The following CCDC125 variants were observed in gnomAD, a reference collection of about 807,000 sequenced individuals.
CCDC125 encodes coiled-coil domain containing 125, also known as coiled-coil domain-containing protein 125.
CCDC125 carries 43 observed loss-of-function variants against 57.4 expected under a neutral mutation model. The observed-to-expected ratio is 0.75, with a 90% CI of 0.59 to 0.97. CCDC125 has a LOEUF of 0.97. CCDC125 is among the 50% of genes least tolerant of loss of function. The probability of loss-of-function intolerance (pLI) is 0.00; values close to 1 mark genes in which losing one functional copy is unlikely to be tolerated. For missense variants in CCDC125, 563 were observed against 595.7 expected (o/e 0.95, Z 0.57); for synonymous variants, 187 against 195.2 (o/e 0.96, Z 0.35).
At chr5:69,308,792 A>G (rs1259329208) in intron 4 of CCDC125, 25 of 158,568 alleles carry the variant, frequency 1.6e-4, no homozygotes, top group Middle Eastern at 2.9e-3. Flanking sequence ...TGTGGGAAAG[A>G]TTGGAACTTT....
intron 2 of CCDC125, among the ~76,000 whole-genome samples, chr5:69,318,643 C>T (rs1160323948): frequency 3.3e-5 from 5 of 151,282 alleles, no homozygotes; most frequent in Admixed American, 1.3e-4. Flanking sequence ...ATCCCAGCTA[C>T]TCAGGAGGCT....
intron 6 of CCDC125, among the ~76,000 whole-genome samples, chr5:69,304,575 G>T (rs1055811393): frequency 6.6e-6 from 1 of 151,620 alleles, no homozygotes; most frequent in Admixed American, 6.6e-5. Flanking sequence ...ACAGGCGCCC[G>T]CCACCACGCC....
chr5:69,278,734 T>G (rs1752323483), downstream of CCDC125, among the ~76,000 whole-genome samples: 1 of 146,072 alleles, frequency 6.8e-6, no homozygotes, highest in Non-Finnish European at 1.5e-5. Context: ...TGAGATAGTC[T>G]CTGTTGCCCA....
Position 69,306,887 on chromosome 5 carries a change from G to C in CCDC125, c.547C>G (p.Gln183Glu). ...RSLEKEINAL[Q>E]WEIEFDHNRF... ...TTATGATCAAATTCTATTTCCCACT[G>C]CAAGGCATTTATTTCCTATGGAAAG... Residue 183 changes from glutamine to glutamate, a missense_variant, in exon 6 of 12, where the codon CAG becomes GAG. Physicochemically the swap from Gln to Glu is conservative, Grantham distance 29. Transcript: ENST00000396496. The C allele has an allele frequency of 1.3e-6, 2 of 1,507,912 alleles. No homozygotes were observed. Among genetic ancestry groups the C allele is most frequent in the Non-Finnish European group, 1.8e-6 (2 of 1,133,230 alleles). The allele number at this position is 1,507,912 out of a possible 1,614,324, so 93.4% of individuals were successfully genotyped here. A position where few individuals can be genotyped will look rare whatever the true frequency, so the allele number is the denominator to read the frequency against.
At chr5:69,294,326 A>C (rs73129068) in intron 9 of CCDC125, among the ~76,000 whole-genome samples, 7,817 of 149,792 alleles carry the variant, frequency 0.052, 680 homozygotes, top group African/African-American at 0.18. Context: ...TTTTTCTTGG[A>C]GATGGAGTTT....
chr5:69,291,917 A>G (rs914113236), intron 10 of CCDC125, among the ~76,000 whole-genome samples: 3 of 152,188 alleles, frequency 2.0e-5, no homozygotes, highest in African/African-American at 7.2e-5. Flanking sequence ...TTTTTTCACT[A>G]AACATGGTCT....
chr5:69,285,391 CTT>C lies in CCDC125; in HGVS notation c.1174_1175del (p.Lys392GlufsTer13). On this transcript the variant is annotated frameshift_variant, in exon 11 of 12. Transcript: ENST00000396496. LOFTEE classifies it high-confidence loss of function. ...GAGGACTGTCCTGGTCTTCCATCCT[CTT>C]AGAACTGTTTTCTGAAGGGAGCATA... ...LGMLPSENSS[K>X]RMEDQDSPQE... The C allele has an allele frequency of 6.2e-7, 1 of 1,612,984 alleles. No individual in the cohort carries two copies.
At chr5:69,314,879 A>C (rs1758756998) in intron 2 of CCDC125, among the ~76,000 whole-genome samples, 1 of 126,616 alleles carries the variant, frequency 7.9e-6, no homozygotes, top group Non-Finnish European at 1.8e-5. Context: ...AAAAATAAAG[A>C]AAAACATGAA....
downstream of CCDC125, among the ~76,000 whole-genome samples, chr5:69,279,290 T>C (rs1178483545): frequency 6.7e-6 from 1 of 148,500 alleles, no homozygotes; most frequent in Non-Finnish European, 1.5e-5. Context: ...CTCCGCCCAC[T>C]GGGTTCACCC....
chr5:69,313,612 C>G lies in CCDC125; in HGVS notation c.366+373G>C. The G allele has an allele frequency of 4.1e-6, 3 of 727,832 alleles. No homozygotes were observed. The Admixed American group carries it at 5.5e-5, about 13-fold the overall frequency. The allele number at this position is 727,832 out of a possible 1,614,324, so 45.1% of individuals were successfully genotyped here. A position where few individuals can be genotyped will look rare whatever the true frequency, so the allele number is the denominator to read the frequency against. Reference sequence around the variant, plus strand: ...CTTGCTCTCTTGGTCTCATAGGTTGCGTCATAGAGGGCGTAGAGGCAATCC... The same window carrying G: ...CTTGCTCTCTTGGTCTCATAGGTTGGGTCATAGAGGGCGTAGAGGCAATCC... On this transcript the variant is annotated intron_variant, in intron 3 of 11. Coordinates refer to ENST00000396496, the MANE Select transcript of CCDC125 (RefSeq NM_176816.5).
chr5:69,321,867 G>T (rs112401159), intron 1 of CCDC125, among the ~76,000 whole-genome samples: 2 of 151,690 alleles, frequency 1.3e-5, no homozygotes, highest in African/African-American at 4.8e-5. Context: ...ACGGAGCTTC[G>T]CTCTTGTTGC....
At chr5:69,289,342 T>C (rs1476563119) in intron 10 of CCDC125, among the ~76,000 whole-genome samples, 1 of 151,944 alleles carries the variant, frequency 6.6e-6, no homozygotes, top group Non-Finnish European at 1.5e-5. Flanking sequence ...AGAGAGGAGG[T>C]GTCTGAGGAA....
intron 10 of CCDC125, among the ~76,000 whole-genome samples, 200 bp from the exon 11 acceptor site, chr5:69,285,667 C>T (rs534279856): frequency 1.3e-5 from 2 of 152,320 alleles, no homozygotes; most frequent in African/African-American, 2.4e-5. Flanking sequence ...GCGGCACAGC[C>T]ACCCCTCTGT....
At chr5:69,276,458 C>A, downstream of CCDC125, 1 of 1,196,658 alleles carries the variant, frequency 8.4e-7, no homozygotes, top group Non-Finnish European at 1.2e-6. Context: ...ATTTTTAATG[C>A]TCCCTATAAT....
At position 69,306,861 on chromosome 5, in the gene CCDC125, A is replaced by C; in HGVS notation, c.573T>G (p.Asn191Lys). The C allele has an allele frequency of 1.3e-6, 2 of 1,527,164 alleles. No homozygotes were observed. 94.6% of individuals were successfully genotyped at this position (1,527,164 alleles called of 1,614,324 possible). A position where few individuals can be genotyped will look rare whatever the true frequency, so the allele number is the denominator to read the frequency against. The part of the protein sequence containing the change: ...ALQWEIEFDH[N>K]RFKNIEESWI... ...AAGATTCCTCTATATTTTTAAATCT[A>C]TTATGATCAAATTCTATTTCCCACT... Residue 191 changes from asparagine (N) to lysine (K), a missense_variant, in exon 6 of 12, where the codon AAT (asparagine) becomes AAG (lysine). Transcript: ENST00000396496.
intron 3 of CCDC125, chr5:69,313,679 G>A (rs754235675): frequency 1.9e-5 from 14 of 756,072 alleles, no homozygotes; most frequent in Admixed American, 3.5e-5. Flanking sequence ...AGGGGTTGTC[G>A]ATGGTCTGGT....
intron 4 of CCDC125, chr5:69,309,346 G>A (rs1376377663): frequency 6.6e-6 from 1 of 152,354 alleles, no homozygotes; most frequent in Non-Finnish European, 1.5e-5. Context: ...GGGTCCCCGT[G>A]CTGTGTGCAG....
Position 69,282,013 on chromosome 5 carries a change from CCCAAGT to C in CCDC125, c.*710_*715del, listed in dbSNP as rs1752526367. 1 of 151,924 alleles carries C rather than the reference CCCAAGT, an allele frequency of 6.6e-6. No homozygotes were observed. Among genetic ancestry groups the C allele is most frequent in the Non-Finnish European group, 1.5e-5 (1 of 68,036 alleles). The allele number at this position is 151,924 out of a possible 1,614,324, so 9.4% of individuals were successfully genotyped here. A position where few individuals can be genotyped will look rare whatever the true frequency, so the allele number is the denominator to read the frequency against. Reference sequence around the variant, plus strand: ...TCAAGCGATTCTCCTACCTCAGCCTCCCAAGTAGCTGGGATTACAGGCATGCGCCAC... The same window carrying C: ...TCAAGCGATTCTCCTACCTCAGCCTCAGCTGGGATTACAGGCATGCGCCAC... On this transcript the variant is annotated 3_prime_UTR_variant, in exon 12 of 12. Coordinates refer to ENST00000396496, the MANE Select transcript of CCDC125 (RefSeq NM_176816.5).
downstream of CCDC125, among the ~76,000 whole-genome samples, chr5:69,275,701 C>T (rs191794575): frequency 3.5e-4 from 54 of 152,190 alleles, no homozygotes; most frequent in African/African-American, 9.4e-4. Flanking sequence ...CAGCCAGGCG[C>T]GGTGGCTCAC....
Sources: allele counts gnomAD v4.1 joint callset (sites outside exome capture counted in the v4.1 genomes callset), GRCh38; gene constraint gnomAD v4.1.1; transcripts MANE v1.5; gene names NCBI Gene and HGNC (gene_info 2026-07-23, HGNC 2026-07-21).